HDAC9: variants seen among roughly 807,000 people sequenced by gnomAD.
The protein encoded by HDAC9 is MEF-2 interacting transcription repressor (MITR) protein.
HDAC9 carries 41 observed loss-of-function variants against 139.4 expected under a neutral mutation model. That is an observed-to-expected ratio of 0.29 (90% CI 0.23 to 0.38). The LOEUF (loss-of-function observed/expected upper bound fraction) is 0.38, where lower values mean the gene tolerates loss of function less well. HDAC9 is among the 10% of genes least tolerant of loss of function. HDAC9 has a pLI of 1.00. For synonymous variants in HDAC9, 517 were observed against 476.2 expected (o/e 1.09, Z -1.12); for missense variants, 1,147 against 1,297.0 (o/e 0.88, Z 1.78).
At chr7:18,199,625 A>C (rs1298321022) in intron 2 of HDAC9, among the ~76,000 whole-genome samples, 1 of 151,974 alleles carries the variant, frequency 6.6e-6, no homozygotes, top group Non-Finnish European at 1.5e-5. Context: ...TCTTTACAAG[A>C]CATAAAAAAA....
At chr7:18,159,795 A>T in intron 1 of HDAC9, among the ~76,000 whole-genome samples, 1 of 152,342 alleles carries the variant, frequency 6.6e-6, no homozygotes, top group Non-Finnish European at 1.5e-5. Context: ...CATTTTCATT[A>T]AAAGAGTATT....
intron 12 of HDAC9, among the ~76,000 whole-genome samples, chr7:18,713,863 A>G (rs989946279): frequency 6.6e-6 from 1 of 152,000 alleles, no homozygotes; most frequent in African/African-American, 2.4e-5. Flanking sequence ...GTTTGGCTCA[A>G]TAACACCTTG....
At position 18,226,552 on chromosome 7, in the gene HDAC9, A is replaced by T. The variant is rs1040793994; in HGVS notation, c.25+64203A>T. Reference sequence around the variant, plus strand: ...AAAAAAACTAAAGGAGTGGGGAAGAATCATTCCCTCCCATAGCAATAATGA... The same window carrying T: ...AAAAAAACTAAAGGAGTGGGGAAGATTCATTCCCTCCCATAGCAATAATGA... On this transcript the variant is annotated intron_variant, in intron 2 of 12. Coordinates refer to the HDAC9 transcript ENST00000417496. Among the ~76,000 whole-genome samples the T allele has an allele frequency of 2.0e-5, 3 of 152,354 alleles. No individual in the cohort carries two copies. The South Asian group carries it at 6.2e-4, about 32-fold the overall frequency.
At chr7:18,290,730 C>G (rs140149740) in intron 1 of HDAC9, among the ~76,000 whole-genome samples, 2 of 152,174 alleles carry the variant, frequency 1.3e-5, no homozygotes, top group African/African-American at 4.8e-5. Flanking sequence ...TCTGAGAATG[C>G]CTTTATTATT....
At chr7:18,354,310 G>T (rs543189217) in intron 1 of HDAC9, among the ~76,000 whole-genome samples, 40 of 152,236 alleles carry the variant, frequency 2.6e-4, no homozygotes, top group Non-Finnish European at 4.9e-4. Context: ...TAGTTTATGG[G>T]CTAAAGGTAA....
chr7:18,879,973 C>G (rs1264205379), intron 22 of HDAC9, among the ~76,000 whole-genome samples: 1 of 152,028 alleles, frequency 6.6e-6, no homozygotes, highest in Non-Finnish European at 1.5e-5. Flanking sequence ...AAGAGAAAAA[C>G]AACCCCATTA....
chr7:18,171,674 T>A (rs760597813), intron 2 of HDAC9, among the ~76,000 whole-genome samples: 72 of 152,296 alleles, frequency 4.7e-4, no homozygotes, highest in Middle Eastern at 3.4e-3. Flanking sequence ...GAATTTTGTC[T>A]AAGGCCTTTT....
intron 2 of HDAC9, among the ~76,000 whole-genome samples, chr7:18,235,223 A>T (rs570401357): frequency 9.7e-4 from 148 of 152,278 alleles, no homozygotes; most frequent in African/African-American, 3.4e-3. Context: ...GTGTGGTATA[A>T]AAAAGAGAAA....
At chr7:18,700,307 G>A (rs753026585) in intron 12 of HDAC9, among the ~76,000 whole-genome samples, 8 of 152,208 alleles carry the variant, frequency 5.3e-5, no homozygotes, top group Non-Finnish European at 7.3e-5. Flanking sequence ...TTATGAATGA[G>A]TTGTCTTTAT....
chr7:18,741,273 G>A (rs1194389725), intron 13 of HDAC9, among the ~76,000 whole-genome samples: 1 of 152,224 alleles, frequency 6.6e-6, no homozygotes, highest in Admixed American at 6.5e-5. Context: ...CAAAGAATAA[G>A]CTGACTCTCT....
intron 14 of HDAC9, among the ~76,000 whole-genome samples, chr7:18,759,440 C>A (rs1273778160): frequency 6.6e-6 from 1 of 151,956 alleles, no homozygotes; most frequent in Non-Finnish European, 1.5e-5. Context: ...AGGTTGAGCG[C>A]TCCTTATGAG....
At chr7:18,401,778 C>G (rs1226238450) in intron 1 of HDAC9, among the ~76,000 whole-genome samples, 1 of 152,196 alleles carries the variant, frequency 6.6e-6, no homozygotes, top group Non-Finnish European at 1.5e-5. Flanking sequence ...AGTTACTACT[C>G]ATAGTTCACA....
chr7:18,245,567 G>C (rs1794470536), intron 2 of HDAC9, among the ~76,000 whole-genome samples: 1 of 152,166 alleles, frequency 6.6e-6, no homozygotes, highest in Non-Finnish European at 1.5e-5. Context: ...AGCCCACCAA[G>C]ATAGAACTTC....
At position 18,480,885 on chromosome 7, in the gene HDAC9, A is replaced by C. The variant is rs530914890; in HGVS notation, c.-41-15377A>C. On this transcript the variant is annotated intron_variant, in intron 1 of 3. Transcript: ENST00000413509. ...AGGAATCATTTGGAGTATGTTTAAG[A>C]AATTAAAAACTAGTATCTGCATCCA... is the stretch of plus-strand genomic sequence containing the variant. Among the ~76,000 whole-genome samples, 42 of 152,284 alleles carry C rather than the reference A, an allele frequency of 2.8e-4. No individual in the cohort carries two copies. In the Middle Eastern group the frequency reaches 0.01, roughly 37 times the overall value.
intron 6 of HDAC9, among the ~76,000 whole-genome samples, chr7:18,616,730 A>G (rs1838704888): frequency 1.3e-5 from 2 of 152,192 alleles, no homozygotes; most frequent in Non-Finnish European, 2.9e-5. Flanking sequence ...AAACAGGACA[A>G]GAGCAGGAAG....
chr7:18,917,191 C>G (rs1471439129), intron 22 of HDAC9, among the ~76,000 whole-genome samples: 1 of 151,894 alleles, frequency 6.6e-6, no homozygotes, highest in Non-Finnish European at 1.5e-5. Flanking sequence ...GGAGAAGGTC[C>G]AAGCACTGAT....
upstream of HDAC9, among the ~76,000 whole-genome samples, chr7:18,289,738 G>C (rs891513065): frequency 6.6e-6 from 1 of 152,098 alleles, no homozygotes; most frequent in Non-Finnish European, 1.5e-5. Flanking sequence ...CTTTTGGAGT[G>C]GGATTGAAAC....
At chr7:18,104,084 G>A (rs936990339) in intron 1 of HDAC9, among the ~76,000 whole-genome samples, 2 of 152,108 alleles carry the variant, frequency 1.3e-5, no homozygotes, top group Non-Finnish European at 2.9e-5. Flanking sequence ...GGAGGAAACC[G>A]GAGTACCCAG....
intron 12 of HDAC9, among the ~76,000 whole-genome samples, chr7:18,688,676 T>G (rs897539713): frequency 2.6e-5 from 4 of 151,922 alleles, no homozygotes; most frequent in African/African-American, 9.7e-5. Flanking sequence ...TAGGAGATAA[T>G]TGGTTAGACA....
Sources: allele counts gnomAD v4.1 joint callset (sites outside exome capture counted in the v4.1 genomes callset), GRCh38; gene constraint gnomAD v4.1.1; transcripts MANE v1.5; gene names NCBI Gene and HGNC (gene_info 2026-07-23, HGNC 2026-07-21).